The following RAB40B variants were observed in gnomAD, a reference collection of about 807,000 sequenced individuals.
RAB40B encodes the protein RAB40B, member RAS oncogene family.
Under a neutral mutation model 24.0 loss-of-function variants are expected in RAB40B, and 21 were observed. That is an observed-to-expected ratio of 0.88 (90% CI 0.62 to 1.26). The LOEUF (loss-of-function observed/expected upper bound fraction) is 1.26. Among genes scored for constraint, RAB40B ranks in the 50% most tolerant of loss-of-function variants. The pLI is 0.00. For missense variants in RAB40B, 348 were observed against 390.5 expected (o/e 0.89, Z 0.92); for synonymous variants, 167 against 169.8 (o/e 0.98, Z 0.13).
In RAB40B at chr17:82,698,634, G is replaced by C; in HGVS notation, c.-38C>G. 2.2e-6 allele frequency: 3 copies of C among 1,340,370 alleles called. No homozygotes were observed. Among genetic ancestry groups the C allele is most frequent in the South Asian group, 1.8e-5 (1 of 56,620 alleles). 83.0% of individuals were successfully genotyped at this position (1,340,370 alleles called of 1,614,324 possible). ...GCGCCCCCACCCATGCCCGGCCTGC[G>C]GGGCTGAGCGCAGAGGCGGCGGCCC... On this transcript the variant is annotated 5_prime_UTR_variant, in exon 1 of 6. Coordinates refer to ENST00000571995, the MANE Select transcript of RAB40B (RefSeq NM_006822.3).
At position 82,658,650 on chromosome 17, in the gene RAB40B, C is replaced by G; in HGVS notation, c.406G>C (p.Val136Leu). 1 of 1,613,394 alleles carries G rather than the reference C, an allele frequency of 6.2e-7. No individual in the cohort carries two copies. The highest frequency in any genetic ancestry group is 8.5e-7 in the Non-Finnish European group (1 of 1,179,970). Residue 136 changes from valine (V) to leucine (L), a missense_variant, in exon 5 of 6, where the codon GTG becomes CTG. By Grantham distance (32) the Val-to-Leu change is conservative (BLOSUM62 1). Around this residue, in one of 3 missense-constraint regions of RAB40B, gnomAD observed 126 missense variants for 181.0 expected, o/e 0.70. Transcript: ENST00000571995. ...NRLHLAFKRQ[V>L]PTEQAQAYAE... ...TAGGCCTGGGCCTGCTCCGTGGGCA[C>G]CTGCCGCTTGAACGCCAGGTGCAGG...
chr17:82,658,300 A>G (rs2046112757), intron 5 of RAB40B, 166 bp from the exon 6 acceptor site: 2 of 1,086,824 alleles, frequency 1.8e-6, no homozygotes, highest in South Asian at 3.1e-5. Context: ...GCCCACGTAC[A>G]GATCCCAGGA....
At chr17:82,659,530 G>T (rs368029606) in intron 4 of RAB40B, 50 bp downstream of exon 4, 1 of 1,584,144 alleles carries the variant, frequency 6.3e-7, no homozygotes, top group South Asian at 1.1e-5. Context: ...CTGGCCTGAC[G>T]TCCTCCCAAG....
chr17:82,658,402 C>G, intron 5 of RAB40B, 89 bp downstream of exon 5: 11 of 1,443,976 alleles, frequency 7.6e-6, no homozygotes, highest in Non-Finnish European at 1.1e-5. Flanking sequence ...GAGACGGGTC[C>G]CGGGAGGCAG....
At chr17:82,661,234 C>G in intron 2 of RAB40B, 187 bp from the exon 3 acceptor site, 1 of 1,370,162 alleles carries the variant, frequency 7.3e-7, no homozygotes, top group Non-Finnish European at 9.4e-7. Context: ...GATGTCCTCC[C>G]AGGCTCATGC....
rs372054252 is a variant in RAB40B at position 82,659,586 on chromosome 17, G to T, written c.336C>A (p.Ile112=). The change falls in exon 4 of 6, where the codon ATC becomes ATA. Residue 112 remains isoleucine (I), a synonymous_variant. Transcript: ENST00000571995. ...FDGIDRWIKE[I]DEHAPGVPKI... The stretch of plus-strand genomic sequence containing the variant: ...TGGCATTTCTACAACATACCTCATC[G>T]ATCTCCTTAATCCATCGATCAATGC... 9 of 1,614,024 alleles carry T rather than the reference G, an allele frequency of 5.6e-6. No individual in the cohort carries two copies. In the South Asian group the frequency reaches 9.9e-5, roughly 18 times the overall value.
At chr17:82,695,806 A>T (rs2046604176) in intron 1 of RAB40B, among the ~76,000 whole-genome samples, 1 of 152,104 alleles carries the variant, frequency 6.6e-6, no homozygotes, top group Non-Finnish European at 1.5e-5. Flanking sequence ...TAAATCAAAA[A>T]CCTGCAAGGG....
At position 82,667,096 on chromosome 17, in the gene RAB40B, A is replaced by G. The variant is rs1288600423; in HGVS notation, c.143-2540T>C. ...CTCCTTCCAGAGAAGCCCACGATGTAGCCAGTGAGTGCCCAGAAACAGGCT... is the reference window on the plus strand; with the variant it reads ...CTCCTTCCAGAGAAGCCCACGATGTGGCCAGTGAGTGCCCAGAAACAGGCT... On this transcript the variant is annotated intron_variant, in intron 1 of 5. Coordinates refer to ENST00000571995, the MANE Select transcript of RAB40B (RefSeq NM_006822.3). The surrounding 1 kb of genome is among the most constrained non-coding windows in gnomAD (Gnocchi z 4.3). Among the ~76,000 whole-genome samples, 2 of 152,226 alleles carry G rather than the reference A, an allele frequency of 1.3e-5. No homozygotes were observed. Among genetic ancestry groups the G allele is most frequent in the African/African-American group, 4.8e-5 (2 of 41,460 alleles).
At position 82,657,734 on chromosome 17, in the gene RAB40B, A is replaced by G. The variant is rs766337439; in HGVS notation, c.*129T>C. 3 of 1,094,058 alleles carry G rather than the reference A, an allele frequency of 2.7e-6. 1 individual carries two copies. The South Asian group carries it at 3.7e-5, about 14-fold the overall frequency. The allele number at this position is 1,094,058 out of a possible 1,614,324, so 67.8% of individuals were successfully genotyped here. The stretch of plus-strand genomic sequence containing the variant: ...GGGTAGTGTGTTTCCATCACACGGA[A>G]GGCGTCGCACACATTCGCAAGCAGC... On this transcript the variant is annotated 3_prime_UTR_variant, in exon 6 of 6. Transcript: ENST00000571995.
rs2046639275 is a variant in RAB40B, at chr17:82,698,655, G to A, written c.-59C>T. On this transcript the variant is annotated 5_prime_UTR_variant, in exon 1 of 6. Transcript: ENST00000571995. ...CTGCGGGGCTGAGCGCAGAGGCGGC[G>A]GCCCGGCCCCGAGAGGCGCCGCGCG... The A allele has an allele frequency of 3.4e-6, 4 of 1,187,668 alleles. No individual in the cohort carries two copies. In the East Asian group the frequency reaches 1.2e-4, roughly 37 times the overall value. The allele number at this position is 1,187,668 out of a possible 1,614,324, so 73.6% of individuals were successfully genotyped here.
chr17:82,658,859 T>G, intron 4 of RAB40B, 146 bp from the exon 5 acceptor site: 3 of 689,398 alleles, frequency 4.4e-6, no homozygotes, highest in Non-Finnish European at 7.3e-6. Flanking sequence ...GGAAAGACCG[T>G]CTTTGCAGAC....
At chr17:82,691,843 C>T (rs528998147) in intron 1 of RAB40B, among the ~76,000 whole-genome samples, 38 of 152,334 alleles carry the variant, frequency 2.5e-4, no homozygotes, top group South Asian at 6.2e-4. Flanking sequence ...CCTTCTACCC[C>T]TGCCTGGAGA....
At chr17:82,662,863 GC>G in intron 2 of RAB40B, 1 of 967,326 alleles carries the variant, frequency 1.0e-6, no homozygotes, top group Non-Finnish European at 1.2e-6. Context: ...GAGGGCACGC[GC>G]CAGCCCTGAT....
At chr17:82,659,881 T>C in intron 3 of RAB40B, 1 of 523,728 alleles carries the variant, frequency 1.9e-6, no homozygotes, top group South Asian at 2.0e-5. Flanking sequence ...GGACTAGAAC[T>C]CACACCCACG....
chr17:82,664,764 C>T (rs1483752509), intron 1 of RAB40B: 1 of 544,176 alleles, frequency 1.8e-6, no homozygotes, highest in Non-Finnish European at 3.3e-6. Context: ...TCCTCAGCCG[C>T]CTTGGCCTCT....
chr17:82,686,057 C>A (rs2046497166), intron 1 of RAB40B, among the ~76,000 whole-genome samples: 1 of 151,468 alleles, frequency 6.6e-6, no homozygotes, highest in Non-Finnish European at 1.5e-5. Flanking sequence ...CCGCCTTGGC[C>A]TCCCAAAGTG....
chr17:82,660,530 C>T (rs528007208), intron 3 of RAB40B, among the ~76,000 whole-genome samples: 2 of 151,652 alleles, frequency 1.3e-5, no homozygotes, highest in East Asian at 3.9e-4. Context: ...GATGCATACA[C>T]AGTGCACATA....
chr17:82,694,542 A>C (rs2046589062), intron 1 of RAB40B, among the ~76,000 whole-genome samples: 1 of 145,536 alleles, frequency 6.9e-6, no homozygotes, highest in Non-Finnish European at 1.5e-5. Flanking sequence ...AGAAAAAAAA[A>C]ATACATACAC....
At chr17:82,673,936 G>A (rs528769006) in intron 1 of RAB40B, among the ~76,000 whole-genome samples, 1 of 152,228 alleles carries the variant, frequency 6.6e-6, no homozygotes, top group South Asian at 2.1e-4. Context: ...CTTTTTCCCA[G>A]CATTCTGGGA....
Sources: gnomAD v4.1 joint callset for allele counts (sites outside exome capture counted in the v4.1 genomes callset) on GRCh38, gnomAD v4.1.1 for gene constraint, gnomAD v4.1.1 regional missense constraint, Gnocchi (gnomAD v3.1) non-coding constraint, MANE v1.5 for transcripts, NCBI Gene and HGNC (gene_info 2026-07-23, HGNC 2026-07-21) for gene names.